Variants in DCT observed in about 807,000 individuals in gnomAD.
DCT encodes dopachrome tautomerase, also known as L-dopachrome tautomerase.
In DCT, 47 loss-of-function variants were observed where a neutral mutation model predicts 53.0. The observed-to-expected ratio is 0.89, with a 90% confidence interval of 0.70 to 1.13. DCT has a LOEUF of 1.13. DCT is among the 50% of genes most tolerant of loss of function. The probability of loss-of-function intolerance (pLI) is 0.00; values close to 1 mark genes in which losing one functional copy is unlikely to be tolerated. For synonymous variants in DCT, 244 were observed against 237.0 expected (o/e 1.03, Z -0.27); for missense variants, 669 against 637.4 (o/e 1.05, Z -0.53).
In DCT at chr13:94,479,027, G is replaced by C. The variant is rs140400858; in HGVS notation, c.229C>G (p.Leu77Val). 20 of 1,614,070 alleles carry C rather than the reference G, an allele frequency of 1.2e-5. 1 individual carries two copies. The highest frequency in any genetic ancestry group is 3.3e-4 in the Middle Eastern group (2 of 6,062). The change falls in exon 1 of 8, where the codon CTA (leucine) becomes GTA (valine). Residue 77 changes from leucine to valine, a missense_variant. Coordinates refer to ENST00000377028, the MANE Select transcript of DCT (RefSeq NM_001922.5). ...DTRPWSGPYI[L>V]RNQDDRELWP... ...AGCTCACGGTCATCCTGGTTTCGTA[G>C]GATGTAGGGACCACTCCAGGGCCTT...
Position 94,438,948 on chromosome 13 carries a change from A to G in DCT, c.*950T>C, listed in dbSNP as rs16949823. ...TTTCATCTGAGGCTACCTAGTAAAG[A>G]AATTGGTAGAGGATCAGCCAAAGAG... On this transcript the variant is annotated 3_prime_UTR_variant, in exon 8 of 8. Transcript: ENST00000377028. 39,849 of 236,698 alleles carry G rather than the reference A, an allele frequency of 0.17. 4,132 individuals are homozygous for G. Among genetic ancestry groups the G allele is most frequent in the Non-Finnish European group, 0.22 (25,859 of 118,534 alleles). The allele number at this position is 236,698 out of a possible 1,614,324, so 14.7% of individuals were successfully genotyped here. A position where few individuals can be genotyped will look rare whatever the true frequency, so the allele number is the denominator to read the frequency against.
chr13:94,454,297 T>G (rs965693250), intron 6 of DCT, among the ~76,000 whole-genome samples: 9 of 152,180 alleles, frequency 5.9e-5, no homozygotes, highest in Admixed American at 2.6e-4. Context: ...ACTCACCAAA[T>G]GTACTTTCTA....
intron 3 of DCT, among the ~76,000 whole-genome samples, chr13:94,466,321 C>T (rs376290138): frequency 2.0e-5 from 3 of 151,938 alleles, no homozygotes; most frequent in East Asian, 1.9e-4. Context: ...CTATAGTTAA[C>T]GTTGTATTGT....
At chr13:94,442,337 C>CA (rs1398886096) in intron 7 of DCT, among the ~76,000 whole-genome samples, 1 of 152,050 alleles carries the variant, frequency 6.6e-6, no homozygotes, top group Non-Finnish European at 1.5e-5. Flanking sequence ...AACAGGGTCT[C>CA]ACTCTGTTGC....
chr13:94,456,953 A>G (rs2139314046), intron 6 of DCT, among the ~76,000 whole-genome samples: 1 of 152,294 alleles, frequency 6.6e-6, no homozygotes, highest in South Asian at 2.1e-4. Context: ...AACATGGCAA[A>G]ACCTTGTCTC....
At chr13:94,457,727 T>C (rs1883500503) in intron 6 of DCT, among the ~76,000 whole-genome samples, 1 of 152,186 alleles carries the variant, frequency 6.6e-6, no homozygotes, top group African/African-American at 2.4e-5. Context: ...ATTCAAGACA[T>C]ACAACTCAGA....
chr13:94,529,515 C>T, the DCT span, among the ~76,000 whole-genome samples: 2,400 of 152,246 alleles, frequency 0.016, 36 homozygotes, highest in African/African-American at 0.037. Context: ...TACATGGAAA[C>T]GGAACAACCT....
the DCT span, among the ~76,000 whole-genome samples, chr13:94,536,198 C>T: frequency 6.6e-6 from 1 of 152,132 alleles, no homozygotes; most frequent in Non-Finnish European, 1.5e-5. Context: ...AGTTTAGGAC[C>T]AGGGTTGATA....
chr13:94,540,824 T>G, the DCT span, among the ~76,000 whole-genome samples: 3 of 152,170 alleles, frequency 2.0e-5, no homozygotes, highest in Non-Finnish European at 2.9e-5. Context: ...CGGAAATCAG[T>G]ATATCCAATA....
At position 94,460,198 on chromosome 13, in the gene DCT, C is replaced by T. The variant is rs1883691431; in HGVS notation, c.1072G>A (p.Asp358Asn). Reference protein sequence around the residue: ...RNALEGFDKADGTLDSQVMSL... With the variant: ...RNALEGFDKANGTLDSQVMSL... The stretch of plus-strand genomic sequence containing the variant: ...ATCACTTGAGAATCCAGAGTCCCAT[C>T]TGCTTTATCAAACCCTTCCAAAGCA... Residue 358 changes from aspartate to asparagine, a missense_variant, in exon 6 of 8, where the codon GAT (aspartate) becomes AAT (asparagine). Coordinates refer to ENST00000377028, the MANE Select transcript of DCT (RefSeq NM_001922.5). 6.2e-7 allele frequency: 1 copy of T among 1,613,868 alleles called. No homozygotes were observed. The highest frequency in any genetic ancestry group is 8.5e-7 in the Non-Finnish European group (1 of 1,179,832).
At chr13:94,510,634 T>C in the DCT span, among the ~76,000 whole-genome samples, 1 of 152,370 alleles carries the variant, frequency 6.6e-6, no homozygotes, top group East Asian at 1.9e-4. Context: ...TTTTAAATTA[T>C]ATATGTGGCT....
chr13:94,543,583 T>C, the DCT span, among the ~76,000 whole-genome samples: 4 of 152,232 alleles, frequency 2.6e-5, no homozygotes, highest in Non-Finnish European at 2.9e-5. Context: ...GATATCTTCC[T>C]AGAAATTATA....
At chr13:94,515,972 A>C in the DCT span, among the ~76,000 whole-genome samples, 1 of 152,124 alleles carries the variant, frequency 6.6e-6, no homozygotes, top group Non-Finnish European at 1.5e-5. Context: ...CAGAAAAGTG[A>C]GAAAGAACAG....
chr13:94,495,379 G>T, the DCT span, among the ~76,000 whole-genome samples: 1 of 152,152 alleles, frequency 6.6e-6, no homozygotes. Context: ...TTACAGGTGT[G>T]AGCCACCACA....
chr13:94,527,710 A>G, the DCT span, among the ~76,000 whole-genome samples: 61,304 of 152,036 alleles, frequency 0.4, 13,090 homozygotes, highest in East Asian at 0.62. Flanking sequence ...GAAAATTCCA[A>G]AAAACAGAAC....
At chr13:94,496,667 T>C in the DCT span, among the ~76,000 whole-genome samples, 1 of 152,196 alleles carries the variant, frequency 6.6e-6, no homozygotes, top group African/African-American at 2.4e-5. Flanking sequence ...GTGGTACAGT[T>C]TGCATTTAAT....
intron 6 of DCT, chr13:94,445,831 G>C (rs1882684616): frequency 8.9e-7 from 1 of 1,126,116 alleles, no homozygotes. Flanking sequence ...GCTGAATTGG[G>C]ACCCGCTGCC....
At chr13:94,473,014 T>TC (rs1246865224) in intron 1 of DCT, among the ~76,000 whole-genome samples, 1 of 152,178 alleles carries the variant, frequency 6.6e-6, no homozygotes, top group Non-Finnish European at 1.5e-5. Flanking sequence ...CGTCAGTTTT[T>TC]CCCCCTCTCT....
chr13:94,549,334 C>G, the DCT span, among the ~76,000 whole-genome samples: 1 of 152,240 alleles, frequency 6.6e-6, no homozygotes, highest in Non-Finnish European at 1.5e-5. Context: ...CACCAGCCCC[C>G]CAGGCGGCGC....
Sources: gnomAD v4.1 joint callset for allele counts (sites outside exome capture counted in the v4.1 genomes callset) on GRCh38, gnomAD v4.1.1 for gene constraint, MANE v1.5 for transcripts, NCBI Gene and HGNC (gene_info 2026-07-23, HGNC 2026-07-21) for gene names.